Variants in ST6GALNAC5 observed in about 807,000 individuals in gnomAD.
ST6GALNAC5 encodes ST6 N-acetylgalactosaminide alpha-2,6-sialyltransferase 5.
In ST6GALNAC5, 27 loss-of-function variants were observed where a neutral mutation model predicts 33.6. The ratio of observed to expected loss-of-function variants is 0.80; its 90% CI spans 0.59 to 1.11. ST6GALNAC5 has a LOEUF of 1.11. ST6GALNAC5 is among the 50% of genes least tolerant of loss of function. The pLI, the probability that ST6GALNAC5 is intolerant of heterozygous loss-of-function variation, is 0.00. For missense variants in ST6GALNAC5, 428 were observed against 454.0 expected (o/e 0.94, Z 0.52); for synonymous variants, 194 against 171.2 (o/e 1.13, Z -1.04).
In ST6GALNAC5 at chr1:77,044,362, C is replaced by T. The variant is rs748193124; in HGVS notation, c.420C>T (p.Ser140=). 1.2e-6 allele frequency: 2 copies of T among 1,613,940 alleles called. No homozygotes were observed. The highest frequency in any genetic ancestry group is 3.3e-5 in the Admixed American group (2 of 60,020). Reference sequence around the variant, plus strand: ...GGCGTGACGTGGGCAATCGCACCAGCCTGAGGGTCATCGCGCATTCCAGCA... The same window carrying T: ...GGCGTGACGTGGGCAATCGCACCAGTCTGAGGGTCATCGCGCATTCCAGCA... ...GYGRDVGNRT[S]LRVIAHSSIQ... The change falls in exon 3 of 5, where the codon AGC becomes AGT. Residue 140 remains serine, a synonymous_variant. Coordinates refer to ENST00000477717, the MANE Select transcript of ST6GALNAC5 (RefSeq NM_030965.3).
chr1:76,923,724 AAC>A lies in ST6GALNAC5; in HGVS notation c.261+54984_261+54985del, dbSNP rs370186441. Among the ~76,000 whole-genome samples, 60 of 152,048 alleles carry A rather than the reference AAC, an allele frequency of 3.9e-4. 1 individual carries two copies. The highest frequency in any genetic ancestry group is 1.3e-3 in the African/African-American group (56 of 41,492). ...ACAAAACAAAACAAAAAAACAAACA[AAC>A]AAAAAAAACAGTTCCGACACTAGTC... On this transcript the variant is annotated intron_variant, in intron 2 of 4. Transcript: ENST00000477717.
chr1:77,018,615 T>A (rs1327781832), intron 2 of ST6GALNAC5, among the ~76,000 whole-genome samples: 1 of 152,206 alleles, frequency 6.6e-6, no homozygotes, highest in Non-Finnish European at 1.5e-5. Flanking sequence ...GCTCTGGGAA[T>A]CTGGCCTCAG....
chr1:76,898,638 T>A (rs927498601), intron 2 of ST6GALNAC5, among the ~76,000 whole-genome samples: 2 of 152,088 alleles, frequency 1.3e-5, no homozygotes, highest in African/African-American at 2.4e-5. Context: ...CGCTACTGAT[T>A]TGGGAGAGGT....
intron 2 of ST6GALNAC5, among the ~76,000 whole-genome samples, chr1:76,886,960 A>C (rs1027020155): frequency 1.3e-5 from 2 of 152,158 alleles, no homozygotes; most frequent in African/African-American, 4.8e-5. Flanking sequence ...TAGATGATGG[A>C]CACTAGGGTT....
At chr1:76,901,803 AT>A (rs1387582403) in intron 2 of ST6GALNAC5, among the ~76,000 whole-genome samples, 3 of 152,078 alleles carry the variant, frequency 2.0e-5, no homozygotes, top group Non-Finnish European at 4.4e-5. Flanking sequence ...TTTTCACTTT[AT>A]TTTATAGTTG....
At chr1:76,887,145 CAAAAGTAAAATAGAAA>C in intron 2 of ST6GALNAC5, among the ~76,000 whole-genome samples, 1 of 152,130 alleles carries the variant, frequency 6.6e-6, no homozygotes, top group East Asian at 1.9e-4. Flanking sequence ...CCTCCACACA[CAAAAGTAAAATAGAAA>C]TTTCTTTATA....
At chr1:76,927,907 A>C (rs1275312819) in intron 2 of ST6GALNAC5, among the ~76,000 whole-genome samples, 2 of 152,144 alleles carry the variant, frequency 1.3e-5, no homozygotes, top group African/African-American at 4.8e-5. Context: ...TTTTATTCTG[A>C]TATAATTGTG....
At chr1:77,036,974 G>T (rs533988260) in intron 2 of ST6GALNAC5, among the ~76,000 whole-genome samples, 8 of 152,166 alleles carry the variant, frequency 5.3e-5, no homozygotes, top group Non-Finnish European at 8.8e-5. Flanking sequence ...CCCTGGGGAG[G>T]CGGTCTGAGG....
chr1:77,013,128 C>G (rs1394944247), intron 2 of ST6GALNAC5, among the ~76,000 whole-genome samples: 1 of 152,152 alleles, frequency 6.6e-6, no homozygotes, highest in Non-Finnish European at 1.5e-5. Flanking sequence ...TGCGGGTGCA[C>G]GGTGAGCAAC....
At chr1:76,985,647 T>G (rs919069522) in intron 2 of ST6GALNAC5, among the ~76,000 whole-genome samples, 4 of 152,086 alleles carry the variant, frequency 2.6e-5, no homozygotes, top group Non-Finnish European at 4.4e-5. Flanking sequence ...TTTGCAGAAT[T>G]GGAAAACTAC....
At chr1:77,028,610 A>G (rs1004855687) in intron 2 of ST6GALNAC5, among the ~76,000 whole-genome samples, 13 of 152,364 alleles carry the variant, frequency 8.5e-5, no homozygotes, top group African/African-American at 3.1e-4. Context: ...CTGTCTCCCA[A>G]TGAAGTGACA....
chr1:76,936,933 G>A (rs191108469), intron 2 of ST6GALNAC5, among the ~76,000 whole-genome samples: 63 of 126,994 alleles, frequency 5.0e-4, no homozygotes, highest in African/African-American at 1.7e-3. Flanking sequence ...ATTCAAGTCA[G>A]GAGACTGGAA....
chr1:76,912,388 A>T (rs1279364599), intron 2 of ST6GALNAC5, among the ~76,000 whole-genome samples: 1 of 152,058 alleles, frequency 6.6e-6, no homozygotes, highest in Non-Finnish European at 1.5e-5. Context: ...GTGCTGAAAA[A>T]AATGTATATT....
Position 77,063,049 on chromosome 1 carries a change from C to G in ST6GALNAC5, c.854C>G (p.Ser285Cys). ...CCTGATGAATGTACAATGTACCTCTCCCATGAGCGAGGACGCAAGGGCAGT... is the reference window on the plus strand; with the variant it reads ...CCTGATGAATGTACAATGTACCTCTGCCATGAGCGAGGACGCAAGGGCAGT... ...FGPDECTMYLSHERGRKGSHH... is the reference protein window; with the variant it reads ...FGPDECTMYLCHERGRKGSHH... The change falls in exon 5 of 5, where the codon TCC becomes TGC. Residue 285 changes from serine (S) to cysteine (C), a missense_variant. By Grantham distance (112) the Ser-to-Cys change is moderately radical. Coordinates refer to ENST00000477717, the MANE Select transcript of ST6GALNAC5 (RefSeq NM_030965.3). 1 of 1,613,958 alleles carries G rather than the reference C, an allele frequency of 6.2e-7. No homozygotes were observed. The highest frequency in any genetic ancestry group is 8.5e-7 in the Non-Finnish European group (1 of 1,179,922).
chr1:76,923,447 CT>C (rs1186316913), intron 2 of ST6GALNAC5, among the ~76,000 whole-genome samples: 1 of 152,052 alleles, frequency 6.6e-6, no homozygotes, highest in Non-Finnish European at 1.5e-5. Context: ...AATTCCAGCA[CT>C]TTGGGAGGCT....
chr1:76,964,073 A>G (rs1432965539), intron 2 of ST6GALNAC5, among the ~76,000 whole-genome samples: 3 of 152,192 alleles, frequency 2.0e-5, no homozygotes, highest in African/African-American at 7.2e-5. Flanking sequence ...GTCTTCAGAA[A>G]GGAACACAGC....
chr1:77,031,278 A>G (rs1651443452), intron 2 of ST6GALNAC5, among the ~76,000 whole-genome samples: 1 of 152,214 alleles, frequency 6.6e-6, no homozygotes, highest in Non-Finnish European at 1.5e-5. Flanking sequence ...GATGGTGTTT[A>G]CTGAGCTTGG....
At chr1:76,998,841 AC>A (rs1392234974) in intron 2 of ST6GALNAC5, among the ~76,000 whole-genome samples, 1 of 152,196 alleles carries the variant, frequency 6.6e-6, no homozygotes, top group Non-Finnish European at 1.5e-5. Flanking sequence ...CGTTTGAATT[AC>A]CTACCTGAGG....
chr1:76,890,540 C>T (rs1019851646), intron 2 of ST6GALNAC5, among the ~76,000 whole-genome samples: 2 of 131,022 alleles, frequency 1.5e-5, no homozygotes, highest in Admixed American at 7.6e-5. Context: ...TAGATTTTTA[C>T]TTCAGTTTTT....
Sources: allele counts gnomAD v4.1 joint callset (sites outside exome capture counted in the v4.1 genomes callset), GRCh38; gene constraint gnomAD v4.1.1; transcripts MANE v1.5; gene names NCBI Gene and HGNC (gene_info 2026-07-23, HGNC 2026-07-21).